JAZF1: variants seen among roughly 807,000 people sequenced by gnomAD.
The protein encoded by JAZF1 is juxtaposed with another zinc finger protein 1.
JAZF1 carries 8 observed loss-of-function variants against 26.4 expected under a neutral mutation model. The ratio of observed to expected loss-of-function variants is 0.30; its 90% CI spans 0.18 to 0.55. JAZF1 has a LOEUF of 0.55. JAZF1 is among the 20% of genes least tolerant of loss of function. JAZF1 has a pLI of 0.94. For synonymous variants in JAZF1, 126 were observed against 122.3 expected, an observed-to-expected ratio of 1.03 and a Z score of -0.20; for missense variants, 199 against 322.0, an observed-to-expected ratio of 0.62 and a Z score of 2.92.
chr7:27,853,141 T>G (rs1783181916), intron 3 of JAZF1, among the ~76,000 whole-genome samples: 1 of 152,226 alleles, frequency 6.6e-6, no homozygotes, highest in South Asian at 2.1e-4. Flanking sequence ...GTGTCAGTTT[T>G]GGGGTATCTA....
chr7:27,843,897 G>A lies in JAZF1; in HGVS notation c.386-3030C>T, dbSNP rs577500061. 7.9e-5 allele frequency: 12 copies of A among 152,368 alleles called. No homozygotes were observed. In the East Asian group the frequency reaches 2.3e-3, roughly 29 times the overall value. 9.4% of individuals were successfully genotyped at this position (152,368 alleles called of 1,614,324 possible). On this transcript the variant is annotated intron_variant, in intron 3 of 4. Transcript: ENST00000283928. ...CATGGTAGGCCTTAGAGTAGCACAT[G>A]GTAAGAAAATAAACAAAATGCTATG...
intron 2 of JAZF1, among the ~76,000 whole-genome samples, chr7:27,959,001 C>G (rs557902222): frequency 6.6e-6 from 1 of 152,238 alleles, no homozygotes; most frequent in South Asian, 2.1e-4. Flanking sequence ...GGTGGCAGAA[C>G]AGTGACAGTA....
intron 1 of JAZF1, among the ~76,000 whole-genome samples, chr7:28,056,460 AC>A (rs1783710990): frequency 2.7e-5 from 4 of 148,306 alleles, no homozygotes; most frequent in South Asian, 2.1e-4. Context: ...ACACACACAC[AC>A]ACACACACAC....
intron 2 of JAZF1, among the ~76,000 whole-genome samples, chr7:27,989,194 T>C (rs1232745659): frequency 1.3e-5 from 2 of 152,192 alleles, no homozygotes; most frequent in Non-Finnish European, 2.9e-5. Flanking sequence ...GGGGAAAGGA[T>C]TCCCTATTTA....
chr7:27,843,670 C>T (rs191557035), intron 3 of JAZF1: 1 of 152,404 alleles, frequency 6.6e-6, no homozygotes, highest in African/African-American at 2.4e-5. Context: ...AAAGCACACT[C>T]CAGCCCCCAC....
At chr7:27,884,511 A>G (rs189661591) in intron 3 of JAZF1, among the ~76,000 whole-genome samples, 234 of 144,582 alleles carry the variant, frequency 1.6e-3, no homozygotes, top group African/African-American at 6.4e-3. Context: ...CCATCACTCA[A>G]GAAAGTTCCC....
chr7:27,995,488 A>C (rs1196347422), intron 1 of JAZF1, among the ~76,000 whole-genome samples: 1 of 152,190 alleles, frequency 6.6e-6, no homozygotes, highest in Non-Finnish European at 1.5e-5. Context: ...ACCGACAGAG[A>C]TTATGACACT....
intron 1 of JAZF1, among the ~76,000 whole-genome samples, chr7:28,103,954 C>T (rs753265867): frequency 3.3e-5 from 5 of 152,206 alleles, no homozygotes; most frequent in East Asian, 1.9e-4. Context: ...GCCTCAAAAG[C>T]GCAAACTGGC....
chr7:27,916,230 C>T (rs559638072), intron 2 of JAZF1, among the ~76,000 whole-genome samples: 1 of 151,120 alleles, frequency 6.6e-6, no homozygotes, highest in South Asian at 2.1e-4. Context: ...AAGTCTCAAA[C>T]CCAACATTTC....
At chr7:27,910,236 T>C (rs534736714) in intron 2 of JAZF1, among the ~76,000 whole-genome samples, 3 of 152,324 alleles carry the variant, frequency 2.0e-5, no homozygotes, top group African/African-American at 7.2e-5. Flanking sequence ...AAACCACTAT[T>C]CAGTAATGCT....
At chr7:27,953,028 G>A (rs933489451) in intron 2 of JAZF1, among the ~76,000 whole-genome samples, 1 of 152,182 alleles carries the variant, frequency 6.6e-6, no homozygotes, top group Non-Finnish European at 1.5e-5. Context: ...AGTAACATAG[G>A]ATATTAGTTA....
intron 2 of JAZF1, among the ~76,000 whole-genome samples, chr7:27,974,817 G>A (rs1019182834): frequency 2.0e-5 from 3 of 151,994 alleles, no homozygotes; most frequent in East Asian, 3.9e-4. Flanking sequence ...AGGTTTAACT[G>A]GCTCACAGTT....
intron 1 of JAZF1, among the ~76,000 whole-genome samples, chr7:28,145,128 G>A (rs539063532): frequency 6.6e-6 from 1 of 152,186 alleles, no homozygotes; most frequent in East Asian, 1.9e-4. Flanking sequence ...GCATGATTTA[G>A]GCTGATAGAA....
At chr7:28,139,799 C>T (rs142449147) in intron 1 of JAZF1, among the ~76,000 whole-genome samples, 6 of 152,300 alleles carry the variant, frequency 3.9e-5, no homozygotes, top group East Asian at 1.9e-4. Flanking sequence ...ATCCACTAAA[C>T]GACTAGGCCT....
intron 1 of JAZF1, among the ~76,000 whole-genome samples, chr7:28,090,931 A>C (rs1360349579): frequency 7.0e-6 from 1 of 142,240 alleles, no homozygotes; most frequent in Non-Finnish European, 1.5e-5. Flanking sequence ...GGTTCACGCC[A>C]TTCTCCTGCC....
intron 1 of JAZF1, among the ~76,000 whole-genome samples, chr7:28,151,104 TATATA>T (rs1482063110): frequency 1.0e-5 from 1 of 98,068 alleles, no homozygotes; most frequent in African/African-American, 3.0e-5. Flanking sequence ...GATATATATA[TATATA>T]TATTTTTTTT....
intron 3 of JAZF1, among the ~76,000 whole-genome samples, chr7:27,853,060 T>G (rs964615670): frequency 3.9e-5 from 6 of 152,226 alleles, no homozygotes; most frequent in African/African-American, 7.2e-5. Flanking sequence ...CTCCCTGCGG[T>G]GACGCCTTCC....
At chr7:27,909,022 C>CATTCATTCATTCATTT (rs1487633603) in intron 2 of JAZF1, among the ~76,000 whole-genome samples, 1 of 152,058 alleles carries the variant, frequency 6.6e-6, no homozygotes, top group African/African-American at 2.4e-5. Context: ...TTCATTCATT[C>CATTCATTCATTCATTT]ATTCAGAGGC....
intron 1 of JAZF1, among the ~76,000 whole-genome samples, chr7:28,023,096 G>A (rs941234532): frequency 6.6e-6 from 1 of 152,190 alleles, no homozygotes; most frequent in Non-Finnish European, 1.5e-5. Context: ...AATGACTTAA[G>A]ACAGGGGTAG....
Sources: allele counts gnomAD v4.1 joint callset (sites outside exome capture counted in the v4.1 genomes callset), GRCh38; gene constraint gnomAD v4.1.1; transcripts MANE v1.5; gene names NCBI Gene and HGNC (gene_info 2026-07-23, HGNC 2026-07-21).